Variants in MAN2A1 observed in about 807,000 individuals in gnomAD.
MAN2A1 encodes the protein mannosidase alpha class 2A member 1.
Under a neutral mutation model 142.6 loss-of-function variants are expected in MAN2A1, and 76 were observed. The observed-to-expected ratio is 0.53, with a 90% confidence interval of 0.44 to 0.65. MAN2A1 has a LOEUF of 0.65. Among genes scored for constraint, MAN2A1 ranks in the 30% least tolerant of loss-of-function variants. The pLI, the probability that MAN2A1 is intolerant of heterozygous loss-of-function variation, is 0.00. For synonymous variants in MAN2A1, 559 were observed against 473.2 expected (o/e 1.18, Z -2.35); for missense variants, 1,311 against 1,365.1 (o/e 0.96, Z 0.62).
chr5:109,753,178 A>G (rs1337633812), intron 4 of MAN2A1, among the ~76,000 whole-genome samples: 1 of 152,224 alleles, frequency 6.6e-6, no homozygotes, highest in Non-Finnish European at 1.5e-5. Context: ...GTATTTGATA[A>G]TTAGATAATA....
At position 109,813,006 on chromosome 5, in the gene MAN2A1, T is replaced by C. The variant is rs763651381; in HGVS notation, c.1944-4267T>C. The stretch of plus-strand genomic sequence containing the variant: ...CACTTATAAAGAACTTGAAAAAATA[T>C]GTATTTTTTTAATCTTCATTACACA... On this transcript the variant is annotated intron_variant, in intron 12 of 21. Transcript: ENST00000261483. Among the ~76,000 whole-genome samples, 3 of 152,200 alleles carry C rather than the reference T, an allele frequency of 2.0e-5. No individual in the cohort carries two copies. In the East Asian group the frequency reaches 5.8e-4, roughly 29 times the overall value.
At position 109,689,955 on chromosome 5, in the gene MAN2A1, T is replaced by C; in HGVS notation, c.-463T>C. ...TTCCCCTCCGCTTCTCTGACCTAGCTGCGCGGCCCCGGCCCGGGAGCTGCC... is the reference window on the plus strand; with the variant it reads ...TTCCCCTCCGCTTCTCTGACCTAGCCGCGCGGCCCCGGCCCGGGAGCTGCC... On this transcript the variant is annotated 5_prime_UTR_variant, in exon 1 of 22. Coordinates refer to ENST00000261483, the MANE Select transcript of MAN2A1 (RefSeq NM_002372.4). The C allele has an allele frequency of 5.8e-6, 1 of 172,474 alleles. No homozygotes were observed. The highest frequency in any genetic ancestry group is 5.9e-5 in the Admixed American group (1 of 16,920). 10.7% of individuals were successfully genotyped at this position (172,474 alleles called of 1,614,324 possible).
chr5:109,723,828 T>TTC (rs1011064896), intron 3 of MAN2A1, among the ~76,000 whole-genome samples: 1 of 152,238 alleles, frequency 6.6e-6, no homozygotes, highest in Non-Finnish European at 1.5e-5. Flanking sequence ...ACCACCCTTT[T>TTC]TCTCTCTCCA....
intron 16 of MAN2A1, among the ~76,000 whole-genome samples, chr5:109,830,056 C>T (rs917312141): frequency 6.6e-6 from 1 of 152,110 alleles, no homozygotes; most frequent in Non-Finnish European, 1.5e-5. Context: ...ATTTATATTG[C>T]TCTGATAGGG....
chr5:109,707,074 A>G (rs1751154602), intron 1 of MAN2A1, among the ~76,000 whole-genome samples: 1 of 152,210 alleles, frequency 6.6e-6, no homozygotes, highest in Non-Finnish European at 1.5e-5. Flanking sequence ...TGGACTGTAC[A>G]GAATCCATAA....
rs1753030883 is a variant in MAN2A1, at chr5:109,767,671, G to T, written c.972G>T (p.Leu324=). The T allele has an allele frequency of 6.2e-7, 1 of 1,613,160 alleles. No individual in the cohort carries two copies. Among genetic ancestry groups the T allele is most frequent in the East Asian group, 2.2e-5 (1 of 44,856 alleles). Residue 324 remains leucine (L), a synonymous_variant, in exon 6 of 22, where the codon CTG becomes CTT. Coordinates refer to ENST00000261483, the MANE Select transcript of MAN2A1 (RefSeq NM_002372.4). ...VHYAVKKHFA[L]HKTLEFFWRQ... ...ATGCAGTTAAAAAACACTTTGCACT[G>T]CATAAAACATTGGAGTTTTTTTGGA...
intron 4 of MAN2A1, among the ~76,000 whole-genome samples, chr5:109,731,358 T>A (rs889383306): frequency 3.2e-5 from 4 of 124,030 alleles, no homozygotes; most frequent in Non-Finnish European, 5.1e-5. Flanking sequence ...GCGTGTTTCT[T>A]TTTTTTATTA....
intron 4 of MAN2A1, among the ~76,000 whole-genome samples, chr5:109,748,506 T>C (rs780761995): frequency 6.6e-6 from 1 of 152,170 alleles, no homozygotes; most frequent in Non-Finnish European, 1.5e-5. Context: ...CCTGCGCTCA[T>C]GGTACTTACA....
At chr5:109,814,460 A>T (rs1303110323) in intron 12 of MAN2A1, among the ~76,000 whole-genome samples, 1 of 152,190 alleles carries the variant, frequency 6.6e-6, no homozygotes, top group African/African-American at 2.4e-5. Flanking sequence ...TAAAATGTAC[A>T]TAGATAGGAG....
intron 3 of MAN2A1, among the ~76,000 whole-genome samples, chr5:109,723,545 G>A (rs959110311): frequency 1.3e-5 from 2 of 152,194 alleles, no homozygotes; most frequent in East Asian, 3.9e-4. Flanking sequence ...GAATTTTGCA[G>A]TGGTCTCATT....
At chr5:109,692,847 C>T (rs1750711045) in intron 1 of MAN2A1, among the ~76,000 whole-genome samples, 1 of 152,056 alleles carries the variant, frequency 6.6e-6, no homozygotes, top group Non-Finnish European at 1.5e-5. Context: ...GAAGCTGTTC[C>T]ACCTCAGATC....
chr5:109,784,768 C>T lies in MAN2A1; in HGVS notation c.1602C>T (p.Phe534=), dbSNP rs1038072369. Residue 534 remains phenylalanine, a synonymous_variant, in exon 10 of 22, where the codon TTC becomes TTT. Transcript: ENST00000261483. ...HLRAAEILYY[F]ALRQAHKYKI... ...GGGCTGCTGAAATTCTTTACTATTTCGCCCTGAGACAAGCTCACAAATACA... is the reference window on the plus strand; with the variant it reads ...GGGCTGCTGAAATTCTTTACTATTTTGCCCTGAGACAAGCTCACAAATACA... 1.0e-5 allele frequency: 16 copies of T among 1,600,074 alleles called. No homozygotes were observed. Among genetic ancestry groups the T allele is most frequent in the African/African-American group, 5.4e-5 (4 of 74,140 alleles).
chr5:109,707,597 A>G (rs375208742), intron 1 of MAN2A1, among the ~76,000 whole-genome samples: 2 of 152,190 alleles, frequency 1.3e-5, no homozygotes, highest in Admixed American at 6.5e-5. Flanking sequence ...GAGATAAACC[A>G]TAACATGAGG....
chr5:109,736,510 G>T (rs2416217), intron 4 of MAN2A1, among the ~76,000 whole-genome samples: 45,927 of 151,388 alleles, frequency 0.3, 7,330 homozygotes, highest in East Asian at 0.64. Flanking sequence ...GGGCAAGACC[G>T]GAACTCTAAA....
At chr5:109,745,168 A>G (rs1451286473) in intron 4 of MAN2A1, among the ~76,000 whole-genome samples, 6 of 152,168 alleles carry the variant, frequency 3.9e-5, no homozygotes, top group African/African-American at 1.2e-4. Flanking sequence ...GAAGTAGTCT[A>G]TATTATTTTG....
chr5:109,763,456 A>G (rs1752906279), intron 5 of MAN2A1, among the ~76,000 whole-genome samples: 1 of 151,142 alleles, frequency 6.6e-6, no homozygotes, highest in Non-Finnish European at 1.5e-5. Context: ...GCTGCATCTT[A>G]TGAATTAGTG....
At chr5:109,799,309 A>T (rs1181287173) in intron 12 of MAN2A1, among the ~76,000 whole-genome samples, 2 of 152,196 alleles carry the variant, frequency 1.3e-5, no homozygotes, top group Admixed American at 6.5e-5. Context: ...TGTCTCTCGC[A>T]TCATCTCTTG....
chr5:109,795,941 G>T (rs1159553866), intron 12 of MAN2A1, among the ~76,000 whole-genome samples: 2 of 152,064 alleles, frequency 1.3e-5, no homozygotes, highest in Non-Finnish European at 2.9e-5. Context: ...TAGCTAACAG[G>T]CTGTTAGCTA....
chr5:109,787,710 C>T lies in MAN2A1; in HGVS notation c.1761-1224C>T, dbSNP rs190840891. On this transcript the variant is annotated intron_variant, in intron 10 of 21. Coordinates refer to ENST00000261483, the MANE Select transcript of MAN2A1 (RefSeq NM_002372.4). ...TAGGTGGTGGAGAACATGACTTTCA[C>T]TCTGCAGATTCAGGCTGCCTAATAA... is the stretch of plus-strand genomic sequence containing the variant. Among the ~76,000 whole-genome samples, 189 of 152,028 alleles carry T rather than the reference C, an allele frequency of 1.2e-3. 1 individual carries two copies. Among genetic ancestry groups the T allele is most frequent in the Non-Finnish European group, 8.4e-4 (57 of 67,914 alleles).
Sources: gnomAD v4.1 joint callset for allele counts (sites outside exome capture counted in the v4.1 genomes callset) on GRCh38, gnomAD v4.1.1 for gene constraint, MANE v1.5 for transcripts, NCBI Gene and HGNC (gene_info 2026-07-23, HGNC 2026-07-21) for gene names.